GRIP1: variants seen among roughly 807,000 people sequenced by gnomAD.
GRIP1 encodes glutamate receptor interacting protein 1, also known as glutamate receptor-interacting protein 1.
GRIP1 carries 45 observed loss-of-function variants against 129.9 expected under a neutral mutation model. The observed-to-expected ratio is 0.35, with a 90% CI of 0.27 to 0.44. The LOEUF (loss-of-function observed/expected upper bound fraction) is 0.44, where lower values mean the gene tolerates loss of function less well. GRIP1 is among the 20% of genes least tolerant of loss of function. The pLI, the probability that GRIP1 is intolerant of heterozygous loss-of-function variation, is 1.00. For synonymous variants in GRIP1, 530 were observed against 520.8 expected (o/e 1.02, Z -0.24); for missense variants, 1,196 against 1,396.8 (o/e 0.86, Z 2.29).
chr12:66,919,848 A>G (rs1481962336), intron 1 of GRIP1, among the ~76,000 whole-genome samples: 2 of 152,190 alleles, frequency 1.3e-5, no homozygotes, highest in African/African-American at 4.8e-5. Context: ...TTTTTGTTAA[A>G]TGCCTTACAT....
At chr12:66,631,105 T>G (rs1309093699) in intron 1 of GRIP1, among the ~76,000 whole-genome samples, 1 of 152,078 alleles carries the variant, frequency 6.6e-6, no homozygotes, top group Admixed American at 6.6e-5. Context: ...GCCCGGCTAA[T>G]TTTTGTATTT....
intron 1 of GRIP1, among the ~76,000 whole-genome samples, chr12:66,736,338 CCTGG>C (rs2036597116): frequency 1.1e-5 from 1 of 93,524 alleles, no homozygotes; most frequent in African/African-American, 3.4e-5. Context: ...CACCACCGTG[CCTGG>C]CTAATTTTTT....
At chr12:66,804,430 A>AT (rs898134257), upstream of GRIP1, among the ~76,000 whole-genome samples, 24 of 151,356 alleles carry the variant, frequency 1.6e-4, no homozygotes, top group Non-Finnish European at 2.1e-4. Flanking sequence ...CAAATCTGTA[A>AT]TTTTTTTAAA....
At chr12:66,562,172 G>C (rs2062557747) in intron 2 of GRIP1, among the ~76,000 whole-genome samples, 1 of 152,116 alleles carries the variant, frequency 6.6e-6, no homozygotes, top group African/African-American at 2.4e-5. Flanking sequence ...TTATCACTAA[G>C]GTTGTTTAAG....
chr12:66,747,083 G>A (rs2036973062), intron 1 of GRIP1, among the ~76,000 whole-genome samples: 1 of 152,180 alleles, frequency 6.6e-6, no homozygotes, highest in Non-Finnish European at 1.5e-5. Context: ...GATAAGGACA[G>A]TTTTGGATTT....
At chr12:66,982,258 CCTT>C (rs1321078582) in intron 1 of GRIP1, among the ~76,000 whole-genome samples, 1 of 152,164 alleles carries the variant, frequency 6.6e-6, no homozygotes, top group Non-Finnish European at 1.5e-5. Context: ...TCCAATGTCT[CCTT>C]CTTGATTTTG....
chr12:66,922,348 C>A (rs1479809318), intron 1 of GRIP1, among the ~76,000 whole-genome samples: 1 of 152,136 alleles, frequency 6.6e-6, no homozygotes, highest in African/African-American at 2.4e-5. Context: ...TCTATAAAAC[C>A]AGGACTCCGT....
intron 1 of GRIP1, among the ~76,000 whole-genome samples, chr12:66,606,215 G>A (rs114091411): frequency 2.0e-3 from 300 of 152,298 alleles, no homozygotes; most frequent in African/African-American, 6.4e-3. Context: ...TTGTGGTAAT[G>A]GAGAAAATGG....
Position 66,615,028 on chromosome 12 carries a change from T to G in GRIP1, c.56-18101A>C, listed in dbSNP as rs554687356. Among the ~76,000 whole-genome samples the G allele has an allele frequency of 2.0e-5, 3 of 152,300 alleles. No homozygotes were observed. In the South Asian group the frequency reaches 6.2e-4, roughly 32 times the overall value. On this transcript the variant is annotated intron_variant, in intron 1 of 24. Coordinates refer to ENST00000359742, the MANE Select transcript of GRIP1 (RefSeq NM_001366722.1). ...ATTAACTTATTTTCTTCTCAACACT[T>G]AGAACTATCTGAAATGTCTATGTAT...
At chr12:66,644,511 G>A (rs910161256) in intron 1 of GRIP1, among the ~76,000 whole-genome samples, 7 of 152,096 alleles carry the variant, frequency 4.6e-5, no homozygotes, top group Admixed American at 3.3e-4. Context: ...AAAGAAGATT[G>A]AAAATCCTTA....
At chr12:66,492,932 C>T (rs2060141916) in intron 7 of GRIP1, among the ~76,000 whole-genome samples, 1 of 152,112 alleles carries the variant, frequency 6.6e-6, no homozygotes, top group South Asian at 2.1e-4. Context: ...ATCGCTTGAA[C>T]TCGGAAGGCG....
intron 2 of GRIP1, among the ~76,000 whole-genome samples, chr12:66,551,684 C>A (rs994320886): frequency 2.0e-5 from 3 of 151,388 alleles, no homozygotes; most frequent in Non-Finnish European, 4.4e-5. Flanking sequence ...AGGGATCCTC[C>A]TGCCTCAGCC....
At chr12:66,771,336 C>T (rs933181767) in intron 1 of GRIP1, among the ~76,000 whole-genome samples, 1 of 152,146 alleles carries the variant, frequency 6.6e-6, no homozygotes, top group Non-Finnish European at 1.5e-5. Context: ...ATACAATGCA[C>T]CATTAAGTCT....
In GRIP1 at chr12:66,818,745, C is replaced by A. The variant is rs568761695; in HGVS notation, c.59-221818G>T. 2.3e-3 allele frequency among the ~76,000 whole-genome samples: 345 copies of A among 152,280 alleles called. 3 individuals are homozygous for A. Among genetic ancestry groups the A allele is most frequent in the African/African-American group, 7.7e-3 (320 of 41,550 alleles). The stretch of plus-strand genomic sequence containing the variant: ...TGTGGTGGCAAAGAATATACTACTA[C>A]TACTAGTAAACCTTGGTGCCACTGT... On this transcript the variant is annotated intron_variant, in intron 1 of 1. Coordinates refer to the GRIP1 transcript ENST00000643019.
chr12:66,644,878 A>G (rs2032228017), intron 1 of GRIP1, among the ~76,000 whole-genome samples: 1 of 152,216 alleles, frequency 6.6e-6, no homozygotes, highest in Admixed American at 6.5e-5. Context: ...AATAAATGCC[A>G]CCTTAGTTTT....
chr12:66,988,376 TTTTTTC>T (rs1019105978), intron 1 of GRIP1, among the ~76,000 whole-genome samples: 21 of 152,120 alleles, frequency 1.4e-4, no homozygotes, highest in African/African-American at 5.1e-4. Context: ...CTAGAAATTC[TTTTTTC>T]TTTTTCTTTT....
intron 1 of GRIP1, among the ~76,000 whole-genome samples, chr12:66,674,236 A>C (rs2034218821): frequency 6.6e-6 from 1 of 152,144 alleles, no homozygotes; most frequent in South Asian, 2.1e-4. Context: ...TCATTAGAGA[A>C]GACTGCTGAA....
chr12:66,855,338 C>T (rs2039985679), intron 1 of GRIP1, among the ~76,000 whole-genome samples: 1 of 151,954 alleles, frequency 6.6e-6, no homozygotes, highest in African/African-American at 2.4e-5. Flanking sequence ...AGCAAGAATA[C>T]ATCTTTGCAT....
At chr12:67,065,478 A>G (rs1043800644) in intron 1 of GRIP1, among the ~76,000 whole-genome samples, 1 of 152,252 alleles carries the variant, frequency 6.6e-6, no homozygotes, top group African/African-American at 2.4e-5. Flanking sequence ...GTGAATGTAT[A>G]TGCTAATGTG....
Sources: allele counts gnomAD v4.1 joint callset (sites outside exome capture counted in the v4.1 genomes callset), GRCh38; gene constraint gnomAD v4.1.1; transcripts MANE v1.5; gene names NCBI Gene and HGNC (gene_info 2026-07-23, HGNC 2026-07-21).